The following XPNPEP3 variants were observed in gnomAD, a reference collection of about 807,000 sequenced individuals.
XPNPEP3 encodes the protein X-prolyl aminopeptidase 3.
XPNPEP3 carries 41 observed loss-of-function variants against 60.0 expected under a neutral mutation model. The observed-to-expected ratio is 0.68, with a 90% confidence interval of 0.53 to 0.89. XPNPEP3 has a LOEUF of 0.89. Among genes scored for constraint, XPNPEP3 ranks in the 40% least tolerant of loss-of-function variants. XPNPEP3 has a pLI of 0.00. For synonymous variants in XPNPEP3, 212 were observed against 223.2 expected, an observed-to-expected ratio of 0.95 and a Z score of 0.45; for missense variants, 598 against 638.9, an observed-to-expected ratio of 0.94 and a Z score of 0.69.
rs2058242590 is a variant in XPNPEP3 at position 40,928,243 on chromosome 22, C to T, written c.*1808C>T. The T allele has an allele frequency of 6.8e-6, 1 of 146,414 alleles. No individual in the cohort carries two copies. The allele number at this position is 146,414 out of a possible 1,614,324, so 9.1% of individuals were successfully genotyped here. On this transcript the variant is annotated 3_prime_UTR_variant, in exon 10 of 10. Coordinates refer to ENST00000357137, the MANE Select transcript of XPNPEP3 (RefSeq NM_022098.4). ...TTGGAGACAGAGTCTCGCTCTGTCG[C>T]CTGGGCTGGATGGAGTGCAGTGGCG...
intron 2 of XPNPEP3, among the ~76,000 whole-genome samples, chr22:40,871,862 G>A (rs2058007263): frequency 6.6e-6 from 1 of 152,090 alleles, no homozygotes. Context: ...GTGAAATCCC[G>A]TCTCTACTAA....
rs748080226 is a variant in XPNPEP3, at chr22:40,902,071, C to CTT, written c.793-5498_793-5497dup. ...TTCTAAACATTCCTTACTTTTCCTT[C>CTT]TTTTTTTTTTTTTTTTTTTGAGATG... is the stretch of plus-strand genomic sequence containing the variant. On this transcript the variant is annotated intron_variant, in intron 4 of 9. Transcript: ENST00000357137. 5.4e-4 allele frequency among the ~76,000 whole-genome samples: 69 copies of CTT among 127,614 alleles called. 1 individual carries two copies. Among genetic ancestry groups the CTT allele is most frequent in the Non-Finnish European group, 7.4e-4 (45 of 61,096 alleles). The allele number at this position is 127,614 out of a possible 152,430, so 83.7% of individuals were successfully genotyped here. A position where few individuals can be genotyped will look rare whatever the true frequency, so the allele number is the denominator to read the frequency against.
intron 4 of XPNPEP3, among the ~76,000 whole-genome samples, chr22:40,900,356 G>C (rs1312029071): frequency 1.3e-5 from 2 of 149,772 alleles, no homozygotes; most frequent in East Asian, 3.9e-4. Context: ...TATAATCCCA[G>C]TACTTTGGGA....
chr22:40,924,411 A>G lies in XPNPEP3; in HGVS notation c.1286A>G (p.Asp429Gly). 1.2e-6 allele frequency: 2 copies of G among 1,614,108 alleles called. No individual in the cohort carries two copies. The highest frequency in any genetic ancestry group is 1.7e-6 in the Non-Finnish European group (2 of 1,180,018). Residue 429 changes from aspartate to glycine, a missense_variant, in exon 9 of 10, where the codon GAT (aspartate) becomes GGT (glycine). Coordinates refer to ENST00000357137, the MANE Select transcript of XPNPEP3 (RefSeq NM_022098.4). Reference protein sequence around the residue: ...PHHVGHYLGMDVHDTPDMPRS... With the variant: ...PHHVGHYLGMGVHDTPDMPRS... Reference sequence around the variant, plus strand: ...CATGTTGGCCACTACCTCGGGATGGATGTCCATGACACTCCAGACATGCCC... The same window carrying G: ...CATGTTGGCCACTACCTCGGGATGGGTGTCCATGACACTCCAGACATGCCC...
In XPNPEP3 at chr22:40,922,520, C is replaced by T; in HGVS notation, c.1236+7C>T. 1 of 1,613,544 alleles carries T rather than the reference C, an allele frequency of 6.2e-7. No homozygotes were observed. The highest frequency in any genetic ancestry group is 8.5e-7 in the Non-Finnish European group (1 of 1,179,790). ...GGAAAATAATGCCTTCAAGGTACTT[C>T]ACTTCTCTTGACCCCAGTTCTCAAG... On this transcript the variant is annotated splice_region_variant and intron_variant, in intron 8 of 9. Transcript: ENST00000357137.
At chr22:40,919,736 C>T (rs928501858) in intron 7 of XPNPEP3, among the ~76,000 whole-genome samples, 8 of 152,074 alleles carry the variant, frequency 5.3e-5, no homozygotes, top group Non-Finnish European at 1.2e-4. Context: ...TTCATAACAG[C>T]ATTTATTCAC....
chr22:40,857,330 CCCTT>C (rs2057907325), intron 1 of XPNPEP3, 85 bp downstream of exon 1: 1 of 1,471,352 alleles, frequency 6.8e-7, no homozygotes, highest in Non-Finnish European at 9.4e-7. Context: ...GTTCGGCTGA[CCCTT>C]CTCCTGGTGG....
rs543396966 is a variant in XPNPEP3, at chr22:40,870,190, T to C, written c.181+1075T>C. On this transcript the variant is annotated intron_variant, in intron 2 of 9. Transcript: ENST00000357137. The stretch of plus-strand genomic sequence containing the variant: ...TATTAATTTTAGTATTTATCTACCC[T>C]ATCAACCTACCTGTAGACTCGAGTT... The C allele has an allele frequency of 2.5e-5, 10 of 394,950 alleles. No individual in the cohort carries two copies. In the East Asian group the frequency reaches 7.8e-4, roughly 31 times the overall value. 24.5% of individuals were successfully genotyped at this position (394,950 alleles called of 1,614,324 possible).
chr22:40,893,579 C>T (rs758389179), intron 4 of XPNPEP3, among the ~76,000 whole-genome samples: 19 of 150,718 alleles, frequency 1.3e-4, no homozygotes, highest in Non-Finnish European at 2.5e-4. Flanking sequence ...TGTATTATTC[C>T]ACATAGTCAT....
intron 8 of XPNPEP3, 31 bp from the exon 9 acceptor site, chr22:40,924,331 C>T (rs532014832): frequency 5.0e-6 from 8 of 1,613,868 alleles, no homozygotes; most frequent in Non-Finnish European, 6.8e-6. Context: ...GGTCATTGCT[C>T]TAATGATACT....
chr22:40,902,501 C>T (rs1375606974), intron 4 of XPNPEP3, among the ~76,000 whole-genome samples: 2 of 152,074 alleles, frequency 1.3e-5, no homozygotes, highest in East Asian at 1.9e-4. Context: ...CCGCCCACCT[C>T]GGCCTCCCAA....
intron 1 of XPNPEP3, 58 bp downstream of exon 1, chr22:40,857,303 G>T (rs543917833): frequency 6.3e-7 from 1 of 1,596,906 alleles, no homozygotes; most frequent in South Asian, 1.1e-5. Flanking sequence ...ACCCAAGTTG[G>T]TCTCAGGCGA....
rs951215171 is a variant in XPNPEP3, at chr22:40,932,737, G to T, written c.*6302G>T. The T allele has an allele frequency of 6.6e-6, 1 of 152,108 alleles. No homozygotes were observed. The highest frequency in any genetic ancestry group is 2.4e-5 in the African/African-American group (1 of 41,440). The allele number at this position is 152,108 out of a possible 1,614,324, so 9.4% of individuals were successfully genotyped here. On this transcript the variant is annotated 3_prime_UTR_variant, in exon 10 of 10. Transcript: ENST00000357137. Reference sequence around the variant, plus strand: ...ACTTTTTAAGGCATTACTAATAACTGAAAATAGTTACGTCATTGCCCATCA... The same window carrying T: ...ACTTTTTAAGGCATTACTAATAACTTAAAATAGTTACGTCATTGCCCATCA...
At chr22:40,875,458 A>G (rs2058024377) in intron 2 of XPNPEP3, among the ~76,000 whole-genome samples, 1 of 152,166 alleles carries the variant, frequency 6.6e-6, no homozygotes, top group African/African-American at 2.4e-5. Context: ...TCCTGATTCA[A>G]TTTTAATGCA....
At chr22:40,922,948 C>T (rs1426056203) in intron 8 of XPNPEP3, among the ~76,000 whole-genome samples, 3 of 152,088 alleles carry the variant, frequency 2.0e-5, no homozygotes, top group Admixed American at 6.6e-5. Flanking sequence ...ATAACTAGCT[C>T]AGTATTCAGA....
In XPNPEP3 at chr22:40,861,874, CTTCT is replaced by C. The variant is rs771924096; in HGVS notation, c.64+4632_64+4635del. On this transcript the variant is annotated intron_variant, in intron 1 of 9. Transcript: ENST00000357137. ...ACTTCTTTGAATTTTCTCTCTGCTT[CTTCT>C]TTATTTTCTGGATTTTTATCAGGGT... is the stretch of plus-strand genomic sequence containing the variant. The C allele has an allele frequency of 1.1e-5, 18 of 1,613,886 alleles. No homozygotes were observed. In the East Asian group the frequency reaches 2.9e-4, roughly 26 times the overall value.
chr22:40,876,075 T>C (rs2058026703), intron 2 of XPNPEP3, among the ~76,000 whole-genome samples: 1 of 152,056 alleles, frequency 6.6e-6, no homozygotes, highest in Admixed American at 6.6e-5. Flanking sequence ...TTGTGTGTAG[T>C]CCTCATTGAC....
At chr22:40,923,153 C>T (rs1020839232) in intron 8 of XPNPEP3, among the ~76,000 whole-genome samples, 6 of 151,214 alleles carry the variant, frequency 4.0e-5, no homozygotes, top group African/African-American at 1.5e-4. Flanking sequence ...TTCAACGCTG[C>T]AGTGAGCTAT....
At chr22:40,920,952 C>T (rs2146279713) in intron 7 of XPNPEP3, among the ~76,000 whole-genome samples, 1 of 152,234 alleles carries the variant, frequency 6.6e-6, no homozygotes, top group South Asian at 2.1e-4. Context: ...ACCACCATGC[C>T]CAGCTGATTT....
Sources: gnomAD v4.1 joint callset for allele counts (sites outside exome capture counted in the v4.1 genomes callset) on GRCh38, gnomAD v4.1.1 for gene constraint, MANE v1.5 for transcripts, NCBI Gene and HGNC (gene_info 2026-07-23, HGNC 2026-07-21) for gene names.